The following ICE2 variants were observed in gnomAD, a reference collection of about 807,000 sequenced individuals.
ICE2 encodes the protein interactor of little elongation complex ELL subunit 2.
Under a neutral mutation model 105.4 loss-of-function variants are expected in ICE2, and 87 were observed. The observed-to-expected ratio is 0.83, with a 90% CI of 0.69 to 0.99. The LOEUF (loss-of-function observed/expected upper bound fraction) is 0.99, where lower values mean the gene tolerates loss of function less well. Ranked by LOEUF, ICE2 falls within the 50% of genes least tolerant of loss-of-function variation. The pLI is 0.00. For synonymous variants in ICE2, 399 were observed against 392.0 expected (o/e 1.02, Z -0.21); for missense variants, 1,323 against 1,146.7 (o/e 1.15, Z -2.22).
In ICE2 at chr15:60,455,323, T is replaced by C. The variant is rs1157046717; in HGVS notation, c.783+3A>G. 1 of 1,605,080 alleles carries C rather than the reference T, an allele frequency of 6.2e-7. No individual in the cohort carries two copies. Among genetic ancestry groups the C allele is most frequent in the African/African-American group, 1.3e-5 (1 of 74,852 alleles). ...GAAGATCCAATGTTGCCTTGGTACT[T>C]ACATAATGCATAGCTTCAGCTGTTT... On this transcript the variant is annotated splice_donor_region_variant and intron_variant, in intron 7 of 15. Transcript: ENST00000261520.
chr15:60,432,413 T>C (rs1377472580), intron 13 of ICE2, among the ~76,000 whole-genome samples: 3 of 151,606 alleles, frequency 2.0e-5, no homozygotes, highest in East Asian at 1.9e-4. Context: ...TGGTCTTGAA[T>C]TCCTGACCTC....
At chr15:60,444,876 G>C (rs1027821149) in intron 11 of ICE2, among the ~76,000 whole-genome samples, 1 of 152,036 alleles carries the variant, frequency 6.6e-6, no homozygotes, top group African/African-American at 2.4e-5. Flanking sequence ...GTAGAGATGG[G>C]GTTTCACCAC....
intron 3 of ICE2, 137 bp from the exon 4 acceptor site, chr15:60,468,459 C>T: frequency 1.5e-6 from 1 of 655,784 alleles, no homozygotes; most frequent in South Asian, 2.2e-5. Flanking sequence ...CTAACTCTGC[C>T]ACCTGCATTT....
intron 12 of ICE2, chr15:60,438,028 T>C (rs994126416): frequency 4.6e-5 from 7 of 152,116 alleles, no homozygotes; most frequent in Admixed American, 3.9e-4. Flanking sequence ...CAGCAAATTC[T>C]CAATATGATG....
chr15:60,427,261 A>G (rs919824971), intron 15 of ICE2, among the ~76,000 whole-genome samples: 1 of 152,226 alleles, frequency 6.6e-6, no homozygotes, highest in Admixed American at 6.5e-5. Context: ...AGTGAAAAGG[A>G]AGAATACACA....
chr15:60,458,000 A>C (rs2064173895), intron 5 of ICE2, among the ~76,000 whole-genome samples: 1 of 152,198 alleles, frequency 6.6e-6, no homozygotes, highest in African/African-American at 2.4e-5. Context: ...TCATTGGCAC[A>C]TCATTCCTGG....
chr15:60,430,156 G>C (rs936732529), intron 14 of ICE2, among the ~76,000 whole-genome samples: 1 of 152,140 alleles, frequency 6.6e-6, no homozygotes, highest in Non-Finnish European at 1.5e-5. Context: ...CTAATCACAA[G>C]AGCCCTTAAA....
intron 5 of ICE2, among the ~76,000 whole-genome samples, chr15:60,462,734 T>C (rs1314711037): frequency 6.6e-6 from 1 of 152,140 alleles, no homozygotes; most frequent in Non-Finnish European, 1.5e-5. Flanking sequence ...GCTCTCCCTC[T>C]CTCTCTCCCT....
rs1054334292 is a variant in ICE2, at chr15:60,474,789, G to A, written c.146+1274C>T. Among the ~76,000 whole-genome samples, 7 of 152,244 alleles carry A rather than the reference G, an allele frequency of 4.6e-5. No individual in the cohort carries two copies. In the East Asian group the frequency reaches 9.6e-4, roughly 21 times the overall value. ...TAATTAGGAGAATATGTGGAGTCCA[G>A]GGATTATTTAAAACAGGAAAACTTG... On this transcript the variant is annotated intron_variant, in intron 3 of 15. Transcript: ENST00000261520.
At chr15:60,458,803 G>A (rs1331689569) in intron 5 of ICE2, among the ~76,000 whole-genome samples, 2 of 152,038 alleles carry the variant, frequency 1.3e-5, no homozygotes, top group Non-Finnish European at 2.9e-5. Context: ...TCTGACACAT[G>A]CTACTACTTG....
chr15:60,475,438 CAATA>C (rs937307326), intron 3 of ICE2, among the ~76,000 whole-genome samples: 3 of 151,324 alleles, frequency 2.0e-5, no homozygotes, highest in African/African-American at 7.3e-5. Context: ...AAAAATTCAC[CAATA>C]TATTGTTTTT....
chr15:60,443,360 T>C (rs1008258398), intron 11 of ICE2, among the ~76,000 whole-genome samples: 12 of 152,282 alleles, frequency 7.9e-5, no homozygotes, highest in African/African-American at 2.2e-4. Flanking sequence ...ACTTCTGACA[T>C]TATACTGTGT....
chr15:60,448,700 A>G (rs2063882435), intron 10 of ICE2, 148 bp downstream of exon 10: 2 of 716,256 alleles, frequency 2.8e-6, no homozygotes, highest in Non-Finnish European at 4.5e-6. Flanking sequence ...GGAAGCTGAA[A>G]TACTGATCAA....
At chr15:60,427,486 T>C (rs1690871645) in intron 15 of ICE2, among the ~76,000 whole-genome samples, 1 of 152,304 alleles carries the variant, frequency 6.6e-6, no homozygotes, top group African/African-American at 2.4e-5. Flanking sequence ...AGTAGAGTGA[T>C]CTTGGGTCAC....
At chr15:60,474,314 T>C (rs1020072166) in intron 3 of ICE2, among the ~76,000 whole-genome samples, 1 of 152,114 alleles carries the variant, frequency 6.6e-6, no homozygotes, top group Non-Finnish European at 1.5e-5. Flanking sequence ...TCTGGCAATA[T>C]CTATCAAAAT....
intron 11 of ICE2, among the ~76,000 whole-genome samples, chr15:60,444,070 C>T (rs544073940): frequency 6.6e-6 from 1 of 152,242 alleles, no homozygotes; most frequent in Admixed American, 6.5e-5. Flanking sequence ...TACTGCACTC[C>T]TGCCTGGGCA....
intron 14 of ICE2, among the ~76,000 whole-genome samples, chr15:60,430,677 C>T (rs1429672401): frequency 6.6e-6 from 1 of 152,136 alleles, no homozygotes; most frequent in Non-Finnish European, 1.5e-5. Flanking sequence ...AGGAAAATGA[C>T]ATCAAGTTAG....
chr15:60,478,015 C>T lies in ICE2; in HGVS notation c.-38G>A, dbSNP rs773526242. On this transcript the variant is annotated 5_prime_UTR_variant, in exon 2 of 16. In the 5' UTR this introduces an upstream ATG that the reference lacks. Transcript: ENST00000261520. ...CTGCTTCACTCTAGCTCACAGTTCA[C>T]AGCTGCCTGGCTGCGAAGGCTCCAA... The T allele has an allele frequency of 2.1e-5, 33 of 1,603,848 alleles. No individual in the cohort carries two copies. The highest frequency in any genetic ancestry group is 3.3e-4 in the Middle Eastern group (2 of 6,052).
chr15:60,468,990 G>C (rs1439993122), intron 3 of ICE2, among the ~76,000 whole-genome samples: 1 of 152,208 alleles, frequency 6.6e-6, no homozygotes, highest in Admixed American at 6.5e-5. Flanking sequence ...TGTACCAGAA[G>C]AGAAAGTAGT....
Sources: gnomAD v4.1 joint callset for allele counts (sites outside exome capture counted in the v4.1 genomes callset) on GRCh38, gnomAD v4.1.1 for gene constraint, MANE v1.5 for transcripts, NCBI Gene and HGNC (gene_info 2026-07-23, HGNC 2026-07-21) for gene names.